CLVS1: variants seen among roughly 807,000 people sequenced by gnomAD.
CLVS1 encodes the protein clavesin-1.
In CLVS1, 10 loss-of-function variants were observed where a neutral mutation model predicts 33.1. The ratio of observed to expected loss-of-function variants is 0.30; its 90% CI spans 0.19 to 0.51. CLVS1 has a LOEUF of 0.51. Ranked by LOEUF, CLVS1 falls within the 20% of genes least tolerant of loss-of-function variation. The pLI is 0.97. For missense variants in CLVS1, 343 were observed against 433.4 expected (o/e 0.79, Z 1.85); for synonymous variants, 163 against 166.1 (o/e 0.98, Z 0.14).
chr8:61,415,603 G>C (rs13270804), intron 3 of CLVS1, among the ~76,000 whole-genome samples: 1 of 152,152 alleles, frequency 6.6e-6, no homozygotes, highest in Non-Finnish European at 1.5e-5. Context: ...CTGCTCATGG[G>C]ATCACAGAGC....
chr8:61,476,931 G>A (rs1586029730), intron 5 of CLVS1, among the ~76,000 whole-genome samples: 1 of 152,048 alleles, frequency 6.6e-6, no homozygotes, highest in South Asian at 2.1e-4. Context: ...ATTGGCTGTG[G>A]GTGTGTCATA....
chr8:61,111,173 A>G (rs183002628), intron 1 of CLVS1, among the ~76,000 whole-genome samples: 2 of 152,348 alleles, frequency 1.3e-5, no homozygotes, highest in African/African-American at 4.8e-5. Context: ...TCCTGAAAAA[A>G]TGCAATGACG....
At chr8:60,966,210 A>C in the CLVS1 span, 2 of 349,820 alleles carry the variant, frequency 5.7e-6, no homozygotes, top group East Asian at 1.5e-4. Context: ...CAGCTGTCTG[A>C]ACAAGTGGTA....
At chr8:61,083,878 T>C (rs1056755668) in intron 1 of CLVS1, among the ~76,000 whole-genome samples, 1 of 152,106 alleles carries the variant, frequency 6.6e-6, no homozygotes, top group Non-Finnish European at 1.5e-5. Flanking sequence ...CCTGGTGGGA[T>C]TGATTGGGTG....
chr8:61,468,715 C>G (rs1266972807), intron 5 of CLVS1, among the ~76,000 whole-genome samples: 1 of 23,032 alleles, frequency 4.3e-5, no homozygotes, highest in African/African-American at 3.5e-4. Context: ...AGTAAAAGTA[C>G]TAAAAAAAAA....
At chr8:61,375,516 C>T (rs1028252675) in intron 2 of CLVS1, among the ~76,000 whole-genome samples, 2 of 152,244 alleles carry the variant, frequency 1.3e-5, no homozygotes, top group East Asian at 1.9e-4. Flanking sequence ...CTCTAAAAGT[C>T]CTGGGATTAC....
intron 1 of CLVS1, among the ~76,000 whole-genome samples, chr8:61,069,244 A>G (rs1245394466): frequency 6.6e-6 from 1 of 152,238 alleles, no homozygotes; most frequent in East Asian, 1.9e-4. Context: ...CTGGGATTAC[A>G]GGCATGAGCC....
chr8:61,498,637 A>G (rs1428680601), intron 5 of CLVS1, among the ~76,000 whole-genome samples: 1 of 149,946 alleles, frequency 6.7e-6, no homozygotes, highest in African/African-American at 2.5e-5. Flanking sequence ...ACTAATGATC[A>G]TTACTAGTAT....
chr8:61,278,280 CTAAA>C (rs1455775325), intron 2 of CLVS1, among the ~76,000 whole-genome samples: 2 of 152,154 alleles, frequency 1.3e-5, no homozygotes, highest in African/African-American at 4.8e-5. Flanking sequence ...TTTACATCTA[CTAAA>C]TAAAGATATA....
rs138971442 is a variant in CLVS1, at chr8:61,123,040, C to G, written c.-242-8730C>G. Among the ~76,000 whole-genome samples, 37 of 143,808 alleles carry G rather than the reference C, an allele frequency of 2.6e-4. 6 individuals are homozygous for G. Among genetic ancestry groups the G allele is most frequent in the African/African-American group, 8.6e-4 (34 of 39,588 alleles). The allele number at this position is 143,808 out of a possible 152,430, so 94.3% of individuals were successfully genotyped here. A position where few individuals can be genotyped will look rare whatever the true frequency, so the allele number is the denominator to read the frequency against. On this transcript the variant is annotated intron_variant, in intron 1 of 2. Coordinates refer to the CLVS1 transcript ENST00000522621. Reference sequence around the variant, plus strand: ...ATCCCAGCACTTTGGGAGGCCAAGGCAGGTGGATCACCTGAGGTCGGGAGT... The same window carrying G: ...ATCCCAGCACTTTGGGAGGCCAAGGGAGGTGGATCACCTGAGGTCGGGAGT...
At chr8:61,480,084 G>A (rs776479969) in intron 5 of CLVS1, among the ~76,000 whole-genome samples, 4 of 152,232 alleles carry the variant, frequency 2.6e-5, no homozygotes, top group Admixed American at 6.5e-5. Context: ...GCTGTGTGCT[G>A]GGAGAACCAC....
intron 1 of CLVS1, among the ~76,000 whole-genome samples, chr8:61,082,989 A>AT (rs565885549): frequency 3.5e-3 from 15 of 4,272 alleles, no homozygotes; most frequent in South Asian, 0.022. Flanking sequence ...TGTCTTAAAC[A>AT]TAAAAAAAAA....
intron 1 of CLVS1, among the ~76,000 whole-genome samples, chr8:61,070,158 T>C (rs1804766776): frequency 6.6e-6 from 1 of 152,216 alleles, no homozygotes; most frequent in South Asian, 2.1e-4. Flanking sequence ...TGCCTGCCCC[T>C]GAGGCCCTGT....
At chr8:61,196,599 C>T (rs1052805465) in intron 2 of CLVS1, among the ~76,000 whole-genome samples, 5 of 152,150 alleles carry the variant, frequency 3.3e-5, no homozygotes, top group Admixed American at 2.6e-4. Context: ...TTACCTGTTT[C>T]CCCTACCCTA....
intron 1 of CLVS1, among the ~76,000 whole-genome samples, chr8:61,102,547 G>A (rs569246613): frequency 6.6e-6 from 1 of 152,310 alleles, no homozygotes; most frequent in South Asian, 2.1e-4. Flanking sequence ...TGTGAATAGA[G>A]ATGGTTTGAC....
At chr8:61,135,176 A>G (rs148972287) in intron 2 of CLVS1, among the ~76,000 whole-genome samples, 77 of 151,968 alleles carry the variant, frequency 5.1e-4, no homozygotes, top group Non-Finnish European at 1.0e-3. Flanking sequence ...AAAATGCTAT[A>G]TGGCAGCCAG....
At chr8:61,002,523 G>A in the CLVS1 span, among the ~76,000 whole-genome samples, 1,246 of 151,740 alleles carry the variant, frequency 8.2e-3, 22 homozygotes, top group African/African-American at 0.028. Flanking sequence ...TAGTAGAGAC[G>A]GGGTTTCACC....
chr8:61,208,938 A>T (rs1807917115), intron 2 of CLVS1, among the ~76,000 whole-genome samples: 3 of 152,118 alleles, frequency 2.0e-5, no homozygotes. Context: ...GATTCCTAAG[A>T]CACAGCTGTG....
chr8:61,152,842 C>T (rs954730040), intron 2 of CLVS1, among the ~76,000 whole-genome samples: 1 of 152,312 alleles, frequency 6.6e-6, no homozygotes, highest in Middle Eastern at 3.4e-3. Flanking sequence ...TGGAGAGTCA[C>T]ATGCATAGCA....
Sources: allele counts gnomAD v4.1 joint callset (sites outside exome capture counted in the v4.1 genomes callset), GRCh38; gene constraint gnomAD v4.1.1; transcripts MANE v1.5; gene names NCBI Gene and HGNC (gene_info 2026-07-23, HGNC 2026-07-21).